The following ABHD12 variants were observed in gnomAD, a reference collection of about 807,000 sequenced individuals.
ABHD12 encodes abhydrolase domain containing 12, lysophospholipase, also known as lysophosphatidylserine lipase ABHD12.
A neutral mutation model predicts 58.3 loss-of-function variants in ABHD12; 43 were observed. The ratio of observed to expected loss-of-function variants is 0.74; its 90% CI spans 0.58 to 0.95. The LOEUF is 0.95. ABHD12 is among the 40% of genes least tolerant of loss of function. The pLI is 0.00. For synonymous variants in ABHD12, 219 were observed against 211.2 expected (o/e 1.04, Z -0.32); for missense variants, 539 against 537.2 (o/e 1.00, Z -0.03).
intron 1 of ABHD12, among the ~76,000 whole-genome samples, chr20:25,359,689 C>T (rs1238359987): frequency 2.0e-5 from 3 of 151,896 alleles, no homozygotes; most frequent in Non-Finnish European, 4.4e-5. Flanking sequence ...CATGCCATAG[C>T]CTCCCAAGTA....
chr20:25,353,653 T>C (rs1264780284), intron 1 of ABHD12, among the ~76,000 whole-genome samples: 2 of 152,178 alleles, frequency 1.3e-5, no homozygotes, highest in African/African-American at 2.4e-5. Context: ...AGGCAGACCC[T>C]TGGCTCTTAC....
In ABHD12 at chr20:25,294,985, T is replaced by C. The variant is rs73598373; in HGVS notation, c.1203A>G (p.Ser401=). The C allele has an allele frequency of 0.043, 68,856 of 1,614,130 alleles. 1,698 individuals carry two copies. The highest frequency in any genetic ancestry group is 0.084 in the Middle Eastern group (507 of 6,058). The stretch of plus-strand genomic sequence containing the variant: ...CTGTTGGCTTCAGTCACACCAGCTC[T>C]GACCACATGCTGGGATCTGGGCTGG... The change falls in exon 13 of 13, where the codon TCA becomes TCG. Residue 401 remains serine (S), a synonymous_variant. Transcript: ENST00000376542.
intron 1 of ABHD12, among the ~76,000 whole-genome samples, chr20:25,341,686 C>A (rs899374804): frequency 3.9e-5 from 6 of 152,076 alleles, no homozygotes; most frequent in African/African-American, 1.4e-4. Flanking sequence ...CTTCCATCAC[C>A]AACTCTTTAT....
chr20:25,376,556 A>G (rs931159579), intron 1 of ABHD12, among the ~76,000 whole-genome samples: 1 of 152,190 alleles, frequency 6.6e-6, no homozygotes, highest in Non-Finnish European at 1.5e-5. Context: ...ATATTTCACC[A>G]CTGTGGTACG....
At chr20:25,323,175 C>A in intron 3 of ABHD12, 150 bp downstream of exon 3, 1 of 698,154 alleles carries the variant, frequency 1.4e-6, no homozygotes. Context: ...TAGGATGGAT[C>A]AAATGTACTG....
intron 1 of ABHD12, among the ~76,000 whole-genome samples, chr20:25,381,036 G>A (rs966125752): frequency 8.5e-5 from 13 of 152,066 alleles, no homozygotes; most frequent in South Asian, 6.2e-4. Context: ...CTGCTGTCCC[G>A]GCCTGAGCCC....
intron 2 of ABHD12, among the ~76,000 whole-genome samples, chr20:25,324,458 G>A (rs114610880): frequency 0.013 from 1,910 of 152,198 alleles, 44 homozygotes; most frequent in African/African-American, 0.041. Context: ...TAAAATAAAC[G>A]CATGAACCCT....
chr20:25,295,583 G>C (rs1421281648), downstream of ABHD12: 7 of 1,611,584 alleles, frequency 4.3e-6, no homozygotes, highest in Non-Finnish European at 5.9e-6. Context: ...CCCTGGCCCA[G>C]CCTCCTTTCT....
chr20:25,302,403 G>A, intron 11 of ABHD12, 57 bp from the exon 12 acceptor site: 7 of 1,607,214 alleles, frequency 4.4e-6, no homozygotes, highest in Non-Finnish European at 5.9e-6. Context: ...GTCCCAGCCT[G>A]AGGAACACCA....
chr20:25,369,599 A>G (rs1489489842), intron 1 of ABHD12, among the ~76,000 whole-genome samples: 3 of 152,190 alleles, frequency 2.0e-5, no homozygotes, highest in African/African-American at 7.2e-5. Flanking sequence ...GTGACACGTC[A>G]CTTCCATTCA....
At position 25,323,369 on chromosome 20, in the gene ABHD12, AC is replaced by A; in HGVS notation, c.377del (p.Cys126LeufsTer11). 4 of 1,614,136 alleles carry A rather than the reference AC, an allele frequency of 2.5e-6. No individual in the cohort carries two copies. Among genetic ancestry groups the A allele is most frequent in the Non-Finnish European group, 3.4e-6 (4 of 1,179,954 alleles). ...CTTCCTCTGGCTGCAGGTAGTAGTTACACGTGTGATTCAAACCTTGATCCTG... is the reference window on the plus strand; with the variant it reads ...CTTCCTCTGGCTGCAGGTAGTAGTTAACGTGTGATTCAAACCTTGATCCTG... ...KPQDQGLNHTCNYYLQPEEDV... is the reference protein window; with the variant it reads ...KPQDQGLNHTXNYYLQPEEDV... On this transcript the variant is annotated frameshift_variant, in exon 3 of 13. Coordinates refer to ENST00000339157, the MANE Select transcript of ABHD12 (RefSeq NM_001042472.3). LOFTEE classifies it high-confidence loss of function.
At chr20:25,364,800 A>G (rs2089797497) in intron 1 of ABHD12, among the ~76,000 whole-genome samples, 1 of 152,256 alleles carries the variant, frequency 6.6e-6, no homozygotes, top group Non-Finnish European at 1.5e-5. Context: ...GACAATATCA[A>G]AAGAGTAACT....
chr20:25,311,998 G>A (rs962677721), intron 6 of ABHD12, among the ~76,000 whole-genome samples: 1 of 151,690 alleles, frequency 6.6e-6, no homozygotes, highest in African/African-American at 2.4e-5. Flanking sequence ...GTGAGCCACC[G>A]TGCCCAGCCA....
chr20:25,377,367 G>A (rs1365893281), intron 1 of ABHD12, among the ~76,000 whole-genome samples: 1 of 152,070 alleles, frequency 6.6e-6, no homozygotes, highest in Non-Finnish European at 1.5e-5. Context: ...TCAGTTTTTT[G>A]TTTCTATAAT....
At chr20:25,327,344 G>A (rs1160182517) in intron 2 of ABHD12, among the ~76,000 whole-genome samples, 1 of 152,114 alleles carries the variant, frequency 6.6e-6, no homozygotes, top group Non-Finnish European at 1.5e-5. Flanking sequence ...GTGAGTGCCT[G>A]TAGTCCCAGC....
chr20:25,295,418 C>G (rs1274303620), downstream of ABHD12, among the ~76,000 whole-genome samples: 1 of 152,288 alleles, frequency 6.6e-6, no homozygotes, highest in African/African-American at 2.4e-5. Context: ...GTGTTGCTCA[C>G]AGAGAAGCCC....
chr20:25,301,526 T>C (rs1829447653), intron 12 of ABHD12, among the ~76,000 whole-genome samples: 1 of 152,270 alleles, frequency 6.6e-6, no homozygotes. Flanking sequence ...TCAGAAGCCT[T>C]GTCCCATGCA....
chr20:25,314,939 G>A lies in ABHD12; in HGVS notation c.605C>T (p.Thr202Ile). The change falls in exon 6 of 13, where the codon ACC (threonine) becomes ATC (isoleucine). Residue 202 changes from threonine (T) to isoleucine (I), a missense_variant. Coordinates refer to ENST00000339157, the MANE Select transcript of ABHD12 (RefSeq NM_001042472.3). ...VLSSLGYHVVTFDYRGWGDSV... is the reference protein window; with the variant it reads ...VLSSLGYHVVIFDYRGWGDSV... ...AGAAATCTCACCTCTGTAGTCAAAG[G>A]TGACCACATGGTAACCAAGGGAACT... The A allele has an allele frequency of 6.2e-7, 1 of 1,614,190 alleles. No individual in the cohort carries two copies. The highest frequency in any genetic ancestry group is 8.5e-7 in the Non-Finnish European group (1 of 1,180,014).
intron 6 of ABHD12, among the ~76,000 whole-genome samples, chr20:25,313,071 C>T (rs1416433358): frequency 2.5e-4 from 38 of 152,366 alleles, no homozygotes; most frequent in Admixed American, 6.5e-4. Flanking sequence ...GCTGCCACCC[C>T]GTCTGGGAGG....
Sources: gnomAD v4.1 joint callset for allele counts (sites outside exome capture counted in the v4.1 genomes callset) on GRCh38, gnomAD v4.1.1 for gene constraint, MANE v1.5 for transcripts, NCBI Gene and HGNC (gene_info 2026-07-23, HGNC 2026-07-21) for gene names.